RABGAP1: variants seen among roughly 807,000 people sequenced by gnomAD.
RABGAP1 encodes the protein RAB GTPase activating protein 1.
RABGAP1 carries 23 observed loss-of-function variants against 137.6 expected under a neutral mutation model. That is an observed-to-expected ratio of 0.17 (90% CI 0.12 to 0.24). RABGAP1 has a LOEUF of 0.24. Among genes scored for constraint, RABGAP1 ranks in the 10% least tolerant of loss-of-function variants. The pLI is 1.00. For synonymous variants in RABGAP1, 451 were observed against 450.7 expected (o/e 1.00, Z -0.01); for missense variants, 906 against 1,275.8 (o/e 0.71, Z 4.42).
At position 122,978,461 on chromosome 9, in the gene RABGAP1, A is replaced by G. The variant is rs368027628; in HGVS notation, c.151-6024A>G. Among the ~76,000 whole-genome samples, 7 of 152,300 alleles carry G rather than the reference A, an allele frequency of 4.6e-5. No homozygotes were observed. The East Asian group carries it at 7.7e-4, about 17-fold the overall frequency. On this transcript the variant is annotated intron_variant, in intron 2 of 25. Coordinates refer to ENST00000373647, the MANE Select transcript of RABGAP1 (RefSeq NM_012197.4). The stretch of plus-strand genomic sequence containing the variant: ...TTTGGGTTGTATTCAGTTTTTGGCT[A>G]TTATGAATAATGCATTAACATTTGC...
intron 13 of RABGAP1, among the ~76,000 whole-genome samples, chr9:123,058,116 T>C (rs929848918): frequency 6.6e-6 from 1 of 151,912 alleles, no homozygotes; most frequent in African/African-American, 2.4e-5. Context: ...ATTGAGTGAT[T>C]GTGGAAACTG....
intron 13 of RABGAP1, among the ~76,000 whole-genome samples, chr9:123,026,987 C>A (rs1186400935): frequency 1.3e-5 from 2 of 152,124 alleles, no homozygotes; most frequent in Non-Finnish European, 1.5e-5. Context: ...TTTTCTTAAA[C>A]TTATCTGCAT....
At chr9:123,034,960 A>C in intron 13 of RABGAP1, 1 of 1,613,732 alleles carries the variant, frequency 6.2e-7, no homozygotes, top group Non-Finnish European at 8.5e-7. Flanking sequence ...CATTGCCATT[A>C]CTAAACCTTT....
intron 2 of RABGAP1, among the ~76,000 whole-genome samples, chr9:122,963,508 A>G (rs956263760): frequency 6.6e-6 from 1 of 152,200 alleles, no homozygotes; most frequent in African/African-American, 2.4e-5. Context: ...GGGAAATTAA[A>G]CAACATACTC....
At chr9:123,016,431 T>C (rs1269395034) in intron 12 of RABGAP1, among the ~76,000 whole-genome samples, 2 of 152,090 alleles carry the variant, frequency 1.3e-5, no homozygotes, top group Non-Finnish European at 2.9e-5. Flanking sequence ...CGCTTGAGCA[T>C]AGGAGTTTGA....
rs1275891603 is a variant in RABGAP1, at chr9:122,986,077, T to C, written c.386-138T>C. 1.8e-4 allele frequency: 133 copies of C among 740,870 alleles called. 1 individual carries two copies. Among genetic ancestry groups the C allele is most frequent in the Admixed American group, 6.2e-5 (2 of 32,374 alleles). The allele number at this position is 740,870 out of a possible 1,614,324, so 45.9% of individuals were successfully genotyped here. On this transcript the variant is annotated intron_variant, in intron 3 of 25. Coordinates refer to ENST00000373647, the MANE Select transcript of RABGAP1 (RefSeq NM_012197.4). ...GGGATTTCTGGTTTTCATGGGCATTTCTTTTAGGGTATGGCATATTGTCTC... is the reference window on the plus strand; with the variant it reads ...GGGATTTCTGGTTTTCATGGGCATTCCTTTTAGGGTATGGCATATTGTCTC...
intron 2 of RABGAP1, among the ~76,000 whole-genome samples, chr9:122,979,386 T>C (rs1296682265): frequency 1.3e-5 from 2 of 152,220 alleles, no homozygotes; most frequent in African/African-American, 4.8e-5. Flanking sequence ...ACGTCCTTCA[T>C]CAGATATATG....
chr9:122,974,574 C>G (rs903507099), intron 2 of RABGAP1, among the ~76,000 whole-genome samples: 1 of 151,792 alleles, frequency 6.6e-6, no homozygotes, highest in African/African-American at 2.4e-5. Flanking sequence ...GGAGGATTGC[C>G]TGAGCCCAGG....
rs1433230195 is a variant in RABGAP1, at chr9:123,043,872, C to G, written c.1795-21476C>G. Among the ~76,000 whole-genome samples, 3 of 150,558 alleles carry G rather than the reference C, an allele frequency of 2.0e-5. No individual in the cohort carries two copies. In the East Asian group the frequency reaches 5.8e-4, roughly 29 times the overall value. ...CATTGTAAGCTTTGTACTGTTTGAC[C>G]TTTTCACTTACGTAGGTGTATTATT... On this transcript the variant is annotated intron_variant, in intron 13 of 25. Transcript: ENST00000373647.
chr9:123,071,220 T>C (rs75407924), intron 15 of RABGAP1, among the ~76,000 whole-genome samples: 2,294 of 152,314 alleles, frequency 0.015, 34 homozygotes, highest in South Asian at 0.067. Context: ...CTCCATAGAA[T>C]CTAGCTTTTT....
At chr9:123,030,345 G>A (rs2032229194) in intron 13 of RABGAP1, among the ~76,000 whole-genome samples, 1 of 152,080 alleles carries the variant, frequency 6.6e-6, no homozygotes, top group South Asian at 2.1e-4. Flanking sequence ...GGTTCTGAGA[G>A]TATATAGAAA....
At position 123,050,613 on chromosome 9, in the gene RABGAP1, TTAAG is replaced by T. The variant is rs1313580890; in HGVS notation, c.1795-14733_1795-14730del. The stretch of plus-strand genomic sequence containing the variant: ...TGAAGATGTTTTTGTATTGTCAGTG[TTAAG>T]TGAGCCCACCAATCGATACCTATTT... On this transcript the variant is annotated intron_variant, in intron 13 of 25. Transcript: ENST00000373647. 2.2e-4 allele frequency among the ~76,000 whole-genome samples: 34 copies of T among 152,392 alleles called. 1 individual carries two copies.
At chr9:123,079,221 G>GT (rs71388351) in intron 19 of RABGAP1, among the ~76,000 whole-genome samples, 2 of 139,908 alleles carry the variant, frequency 1.4e-5, no homozygotes, top group African/African-American at 5.3e-5. Flanking sequence ...TTGTTTTTTT[G>GT]TTTTTTTGTT....
At chr9:122,982,781 G>C (rs934681567) in intron 2 of RABGAP1, among the ~76,000 whole-genome samples, 3 of 152,098 alleles carry the variant, frequency 2.0e-5, no homozygotes, top group African/African-American at 7.2e-5. Context: ...ACTGCCTGTA[G>C]TCACAGTTCC....
chr9:122,996,699 TAAG>T, intron 8 of RABGAP1, 94 bp downstream of exon 8: 1 of 1,048,042 alleles, frequency 9.5e-7, no homozygotes, highest in Non-Finnish European at 1.4e-6. Context: ...AAAACATGTT[TAAG>T]AAGGTGATCT....
chr9:123,078,807 C>T (rs1378982138), intron 19 of RABGAP1, among the ~76,000 whole-genome samples: 2 of 152,162 alleles, frequency 1.3e-5, no homozygotes, highest in African/African-American at 2.4e-5. Context: ...TATATCCTGA[C>T]TCTGATCACC....
At chr9:123,051,364 C>T (rs1219314913) in intron 13 of RABGAP1, among the ~76,000 whole-genome samples, 9 of 151,336 alleles carry the variant, frequency 5.9e-5, no homozygotes, top group Admixed American at 5.9e-4. Flanking sequence ...TCTCCTGCCT[C>T]AGCCTTCTGA....
intron 8 of RABGAP1, 143 bp downstream of exon 8, chr9:122,996,748 A>G: frequency 4.1e-6 from 3 of 731,480 alleles, no homozygotes; most frequent in Non-Finnish European, 6.5e-6. Flanking sequence ...AGGTAAGATA[A>G]TTTCCTTTTT....
At chr9:123,018,614 T>C (rs1430741045) in intron 12 of RABGAP1, among the ~76,000 whole-genome samples, 1 of 152,252 alleles carries the variant, frequency 6.6e-6, no homozygotes, top group Non-Finnish European at 1.5e-5. Flanking sequence ...AGCAGAACTA[T>C]GTCTGTTCTT....
Sources: allele counts gnomAD v4.1 joint callset (sites outside exome capture counted in the v4.1 genomes callset), GRCh38; gene constraint gnomAD v4.1.1; transcripts MANE v1.5; gene names NCBI Gene and HGNC (gene_info 2026-07-23, HGNC 2026-07-21).